Variants in ALDH3A2 observed in about 807,000 individuals in gnomAD.
The protein encoded by ALDH3A2 is aldehyde dehydrogenase 3 family member A2.
In ALDH3A2, 36 loss-of-function variants were observed where a neutral mutation model predicts 51.3. That is an observed-to-expected ratio of 0.70 (90% CI 0.54 to 0.93). The LOEUF is 0.93. ALDH3A2 is among the 40% of genes least tolerant of loss of function. ALDH3A2 has a pLI of 0.00. For missense variants in ALDH3A2, 552 were observed against 603.1 expected, an observed-to-expected ratio of 0.92 and a Z score of 0.89; for synonymous variants, 199 against 219.8, an observed-to-expected ratio of 0.91 and a Z score of 0.84.
intron 3 of ALDH3A2, 131 bp downstream of exon 3, chr17:19,652,763 T>C: frequency 1.3e-6 from 1 of 787,800 alleles, no homozygotes; most frequent in Non-Finnish European, 2.2e-6. Flanking sequence ...AACAGTTGGC[T>C]TAGCAAAAGA....
In ALDH3A2 at chr17:19,651,427, A is replaced by G. The variant is rs978970864; in HGVS notation, c.154-120A>G. On this transcript the variant is annotated intron_variant, in intron 1 of 9. Coordinates refer to ENST00000176643, the MANE Select transcript of ALDH3A2 (RefSeq NM_000382.3). ...TGCAAAAGGAGTCTGAATGGCAAAC[A>G]GCTAGTCTGATAATGCCAGTTGTTG... 4.7e-5 allele frequency: 40 copies of G among 849,168 alleles called. No homozygotes were observed. In the Admixed American group the frequency reaches 7.2e-4, roughly 15 times the overall value. The allele number at this position is 849,168 out of a possible 1,614,324, so 52.6% of individuals were successfully genotyped here.
intron 8 of ALDH3A2, among the ~76,000 whole-genome samples, chr17:19,670,548 C>T (rs1314536034): frequency 1.3e-5 from 2 of 151,080 alleles, no homozygotes; most frequent in East Asian, 3.9e-4. Flanking sequence ...GTCTTTGGCT[C>T]GCCCCTCCCT....
intron 5 of ALDH3A2, 112 bp downstream of exon 5, chr17:19,657,974 A>G (rs1452741475): frequency 2.4e-6 from 2 of 830,120 alleles, no homozygotes; most frequent in East Asian, 2.7e-5. Context: ...TTTCAAAATC[A>G]TATGTGACTC....
In ALDH3A2 at chr17:19,663,303, G is replaced by A. The variant is rs778884562; in HGVS notation, c.941-30G>A. ...AGAGTTGTGCATTTTTGTCTAATAA[G>A]CATTTTCATTTTGTTTATTTTCTTT... On this transcript the variant is annotated intron_variant, in intron 6 of 9. Coordinates refer to ENST00000176643, the MANE Select transcript of ALDH3A2 (RefSeq NM_000382.3). The A allele has an allele frequency of 6.8e-6, 11 of 1,610,700 alleles. No homozygotes were observed. In the East Asian group the frequency reaches 2.2e-4, roughly 33 times the overall value.
At chr17:19,652,744 T>A (rs2084833641) in intron 3 of ALDH3A2, 112 bp downstream of exon 3, 2 of 914,272 alleles carry the variant, frequency 2.2e-6, no homozygotes, top group Non-Finnish European at 3.6e-6. Flanking sequence ...GCAGTCTCTT[T>A]AAGCCTTCAA....
At chr17:19,661,373 G>T (rs2084964773) in intron 6 of ALDH3A2, 105 bp downstream of exon 6, 2 of 1,331,476 alleles carry the variant, frequency 1.5e-6, no homozygotes, top group Admixed American at 1.8e-5. Context: ...GCATTTAATT[G>T]TTAAAGTACT....
rs1461892222 is a variant in ALDH3A2 at position 19,649,009 on chromosome 17, T to G, written c.38T>G (p.Leu13Arg). The G allele has an allele frequency of 1.3e-6, 2 of 1,584,148 alleles. No homozygotes were observed. The highest frequency in any genetic ancestry group is 3.6e-5 in the Admixed American group (2 of 55,030). The change falls in exon 1 of 10, where the codon CTG becomes CGG. Residue 13 changes from leucine to arginine, a missense_variant. Coordinates refer to ENST00000176643, the MANE Select transcript of ALDH3A2 (RefSeq NM_000382.3). ...LEVRRVRQAF[L>R]SGRSRPLRFR... ...GTCCGGCGGGTCCGACAGGCGTTCC[T>G]GTCCGGCCGGTCGCGACCTCTGCGG... is the stretch of plus-strand genomic sequence containing the variant.
chr17:19,658,277 G>A lies in ALDH3A2; in HGVS notation c.798+415G>A, dbSNP rs1476322849. Among the ~76,000 whole-genome samples the A allele has an allele frequency of 4.6e-5, 7 of 152,230 alleles. No homozygotes were observed. The East Asian group carries it at 7.7e-4, about 17-fold the overall frequency. On this transcript the variant is annotated intron_variant, in intron 5 of 9. Transcript: ENST00000176643. ...CTAGGGTGGCCAGTAGTTTGGAGGA[G>A]TGACTTAATTAAATAACTACTTACA...
In ALDH3A2 at chr17:19,676,324, T is replaced by C. The variant is rs775049363; in HGVS notation, c.*752T>C. 6.6e-6 allele frequency: 1 copy of C among 152,280 alleles called. No individual in the cohort carries two copies. Among genetic ancestry groups the C allele is most frequent in the Non-Finnish European group, 1.5e-5 (1 of 68,094 alleles). 9.4% of individuals were successfully genotyped at this position (152,280 alleles called of 1,614,324 possible). ...ACCTGTCATTCTTGTGTTGGAGTTA[T>C]AGAATTCTACATCTTATAAAACCTA... On this transcript the variant is annotated 3_prime_UTR_variant, in exon 10 of 10. Transcript: ENST00000176643.
intron 3 of ALDH3A2, chr17:19,656,049 C>T (rs146171081): frequency 8.8e-4 from 342 of 388,496 alleles, no homozygotes; most frequent in African/African-American, 6.5e-3. Flanking sequence ...GGCACTTCTG[C>T]ACACACCCGC....
intron 8 of ALDH3A2, among the ~76,000 whole-genome samples, chr17:19,668,213 G>T (rs2085065252): frequency 6.6e-6 from 1 of 151,918 alleles, no homozygotes; most frequent in Non-Finnish European, 1.5e-5. Context: ...TCCCTTTCCA[G>T]ATTTTAATTT....
chr17:19,665,834 C>G (rs532412141), intron 8 of ALDH3A2, among the ~76,000 whole-genome samples: 1 of 152,152 alleles, frequency 6.6e-6, no homozygotes, highest in East Asian at 1.9e-4. Context: ...ACCAGAAAAG[C>G]CACTGTCTTA....
intron 6 of ALDH3A2, among the ~76,000 whole-genome samples, 183 bp from the exon 7 acceptor site, chr17:19,663,150 T>A (rs538468932): frequency 6.6e-6 from 1 of 152,336 alleles, no homozygotes; most frequent in Non-Finnish European, 1.5e-5. Flanking sequence ...AGGGTTGTGA[T>A]TCACAGGCTT....
chr17:19,658,748 T>TAAAA (rs34082599), intron 5 of ALDH3A2, among the ~76,000 whole-genome samples: 1 of 138,814 alleles, frequency 7.2e-6, no homozygotes, highest in Non-Finnish European at 1.6e-5. Flanking sequence ...ACTCTGTCTT[T>TAAAA]AAAAAAAAAA....
intron 4 of ALDH3A2, among the ~76,000 whole-genome samples, chr17:19,656,955 ATATCT>A (rs2084905434): frequency 6.6e-6 from 1 of 152,354 alleles, no homozygotes; most frequent in Middle Eastern, 3.4e-3. Context: ...TATTATGCTG[ATATCT>A]TAACTGAGAT....
chr17:19,656,582 T>G lies in ALDH3A2; in HGVS notation c.680+8T>G. ...CCTGGACATTGTTTGCAGGTGAGTCTGGCTCTCTGATTTTCTGAGGTTTTC... is the reference window on the plus strand; with the variant it reads ...CCTGGACATTGTTTGCAGGTGAGTCGGGCTCTCTGATTTTCTGAGGTTTTC... On this transcript the variant is annotated splice_region_variant and intron_variant, in intron 4 of 9. Coordinates refer to ENST00000176643, the MANE Select transcript of ALDH3A2 (RefSeq NM_000382.3). 6.2e-7 allele frequency: 1 copy of G among 1,604,716 alleles called. No homozygotes were observed.
At chr17:19,666,778 AAAAT>A (rs150864433) in intron 8 of ALDH3A2, among the ~76,000 whole-genome samples, 30,826 of 143,710 alleles carry the variant, frequency 0.21, 3,660 homozygotes, top group East Asian at 0.37. Context: ...CTCCGATCTC[AAAAT>A]AAATAAATAA....
intron 9 of ALDH3A2, chr17:19,675,313 C>T (rs1438933509): frequency 9.2e-6 from 5 of 544,022 alleles, no homozygotes; most frequent in African/African-American, 1.9e-5. Context: ...CAGAATATAG[C>T]CTTCATTATC....
intron 8 of ALDH3A2, 125 bp downstream of exon 8, chr17:19,665,172 C>T: frequency 1.2e-6 from 1 of 844,902 alleles, no homozygotes; most frequent in Non-Finnish European, 1.9e-6. Flanking sequence ...CTGAGGGAGA[C>T]CTTTTCCTGG....
Sources: gnomAD v4.1 joint callset for allele counts (sites outside exome capture counted in the v4.1 genomes callset) on GRCh38, gnomAD v4.1.1 for gene constraint, MANE v1.5 for transcripts, NCBI Gene and HGNC (gene_info 2026-07-23, HGNC 2026-07-21) for gene names.